Variants in CDH8 observed in about 807,000 individuals in gnomAD.
CDH8 encodes cadherin-8.
CDH8 carries 17 observed loss-of-function variants against 68.1 expected under a neutral mutation model. That is an observed-to-expected ratio of 0.25 (90% CI 0.17 to 0.37). CDH8 has a LOEUF of 0.37. Ranked by LOEUF, CDH8 falls within the 10% of genes least tolerant of loss-of-function variation. CDH8 has a pLI of 1.00. For synonymous variants in CDH8, 372 were observed against 365.1 expected (o/e 1.02, Z -0.21); for missense variants, 763 against 999.3 (o/e 0.76, Z 3.19).
At chr16:61,676,505 A>G (rs1364032259) in intron 10 of CDH8, among the ~76,000 whole-genome samples, 1 of 152,082 alleles carries the variant, frequency 6.6e-6, no homozygotes, top group Non-Finnish European at 1.5e-5. Flanking sequence ...GATTAACAGA[A>G]TAAAGTAGAA....
intron 10 of CDH8, chr16:61,692,022 G>T (rs895480368): frequency 3.9e-5 from 6 of 152,166 alleles, no homozygotes; most frequent in East Asian, 1.9e-4. Flanking sequence ...CTAAGGGTTG[G>T]GTACCCATAT....
chr16:61,987,562 G>T (rs576557232), intron 2 of CDH8, among the ~76,000 whole-genome samples: 36 of 152,054 alleles, frequency 2.4e-4, no homozygotes, highest in African/African-American at 7.7e-4. Context: ...AATAGTTAGA[G>T]ATAATAATTT....
chr16:61,899,864 ACACG>A (rs1295180736), intron 3 of CDH8, among the ~76,000 whole-genome samples: 2 of 148,508 alleles, frequency 1.3e-5, no homozygotes, highest in Non-Finnish European at 3.0e-5. Context: ...ACACACACAC[ACACG>A]AGTATCTCAC....
chr16:61,810,511 A>AAGGG (rs1961916918), intron 7 of CDH8, among the ~76,000 whole-genome samples: 1 of 152,052 alleles, frequency 6.6e-6, no homozygotes, highest in South Asian at 2.1e-4. Flanking sequence ...ACAGGAAATG[A>AAGGG]AGGGAGAATA....
intron 2 of CDH8, among the ~76,000 whole-genome samples, chr16:61,972,571 GGTGTGTGTGTGTGT>G (rs1555525996): frequency 6.1e-5 from 8 of 131,468 alleles, no homozygotes; most frequent in Non-Finnish European, 1.2e-4. Flanking sequence ...ACACATTGTG[GGTGTGTGTGTGTGT>G]GTGTGTGTGT....
At chr16:61,994,549 C>G (rs996841136) in intron 2 of CDH8, among the ~76,000 whole-genome samples, 2 of 152,126 alleles carry the variant, frequency 1.3e-5, no homozygotes, top group Non-Finnish European at 2.9e-5. Flanking sequence ...CTTTATGACT[C>G]TCATCTGATG....
chr16:61,778,122 T>C (rs1960947367), intron 8 of CDH8, among the ~76,000 whole-genome samples: 1 of 152,070 alleles, frequency 6.6e-6, no homozygotes, highest in Non-Finnish European at 1.5e-5. Flanking sequence ...TGAATTTCAC[T>C]GCCCACTTTA....
rs776447082 is a variant in CDH8 at position 61,655,672 on chromosome 16, C to A, written c.1704G>T (p.Lys568Asn). The A allele has an allele frequency of 6.2e-7, 1 of 1,613,904 alleles. No homozygotes were observed. The highest frequency in any genetic ancestry group is 8.5e-7 in the Non-Finnish European group (1 of 1,179,908). The change falls in exon 11 of 12, where the codon AAG becomes AAT. Residue 568 changes from lysine to asparagine, a missense_variant. Physicochemically the swap from Lys to Asn is moderately conservative, Grantham distance 94. This residue lies in a region of CDH8 where 397 missense variants were observed against 436.2 expected (regional missense o/e 0.91). Coordinates refer to ENST00000577390, the MANE Select transcript of CDH8 (RefSeq NM_001796.5). The part of the protein sequence containing the change: ...LAKHNGFNRQ[K>N]QEVYLLPIII... ...TGATTGGTAAAAGATAGACTTCTTG[C>A]TTCTGGCGGTTGAATCCATTATGCT...
At chr16:61,902,144 A>G (rs1252128225) in intron 2 of CDH8, among the ~76,000 whole-genome samples, 1 of 152,170 alleles carries the variant, frequency 6.6e-6, no homozygotes, top group Non-Finnish European at 1.5e-5. Context: ...TTCCCATTTT[A>G]TAGAGAAGAA....
At chr16:61,971,962 C>T (rs146624901) in intron 2 of CDH8, among the ~76,000 whole-genome samples, 131 of 152,108 alleles carry the variant, frequency 8.6e-4, no homozygotes, top group African/African-American at 2.9e-3. Context: ...AGTGTATCAA[C>T]GTAAGAAAAA....
intron 4 of CDH8, among the ~76,000 whole-genome samples, chr16:61,851,949 G>A (rs1396968348): frequency 6.6e-6 from 1 of 151,982 alleles, no homozygotes; most frequent in Non-Finnish European, 1.5e-5. Context: ...GGATCAGGCA[G>A]ATTCACCTTG....
At chr16:61,674,407 T>C (rs1036404622) in intron 10 of CDH8, among the ~76,000 whole-genome samples, 1 of 148,848 alleles carries the variant, frequency 6.7e-6, no homozygotes, top group Non-Finnish European at 1.5e-5. Context: ...TGAGCCGAGA[T>C]CGTGCCACTG....
At chr16:61,703,855 G>A (rs1001736830) in intron 10 of CDH8, among the ~76,000 whole-genome samples, 12 of 152,050 alleles carry the variant, frequency 7.9e-5, no homozygotes, top group African/African-American at 2.2e-4. Flanking sequence ...GTTTTCATGC[G>A]TATTACTGAT....
intron 8 of CDH8, among the ~76,000 whole-genome samples, chr16:61,780,675 AT>A (rs1242713388): frequency 1.3e-5 from 2 of 152,126 alleles, no homozygotes; most frequent in East Asian, 1.9e-4. Context: ...TCTCCTTTTA[AT>A]TTTTTTCCCC....
intron 7 of CDH8, among the ~76,000 whole-genome samples, chr16:61,792,089 T>C (rs16963957): frequency 0.39 from 58,495 of 151,754 alleles, 12,020 homozygotes; most frequent in African/African-American, 0.52. Context: ...TGAAGAATGC[T>C]CTTCCTTGGG....
At chr16:61,706,528 G>GA (rs1964536119) in intron 10 of CDH8, among the ~76,000 whole-genome samples, 2 of 150,688 alleles carry the variant, frequency 1.3e-5, no homozygotes, top group South Asian at 4.2e-4. Flanking sequence ...GGCTGAGGCA[G>GA]GAGAATGGCG....
At chr16:61,700,429 T>C (rs35611030) in intron 10 of CDH8, among the ~76,000 whole-genome samples, 31,271 of 151,790 alleles carry the variant, frequency 0.21, 3,809 homozygotes, top group African/African-American at 0.32. Context: ...TACAGACACG[T>C]GCCACAACGC....
chr16:61,751,076 A>G (rs1415744284), intron 8 of CDH8, among the ~76,000 whole-genome samples: 1 of 152,144 alleles, frequency 6.6e-6, no homozygotes, highest in East Asian at 1.9e-4. Flanking sequence ...GCTAATAATG[A>G]TAGATGCTCA....
chr16:61,984,926 A>T (rs955033320), intron 2 of CDH8, among the ~76,000 whole-genome samples: 2 of 152,066 alleles, frequency 1.3e-5, no homozygotes, highest in African/African-American at 4.8e-5. Flanking sequence ...TTCGTCATTG[A>T]CCTATAGTGC....
Sources: gnomAD v4.1 joint callset for allele counts (sites outside exome capture counted in the v4.1 genomes callset) on GRCh38, gnomAD v4.1.1 for gene constraint, gnomAD v4.1.1 regional missense constraint, MANE v1.5 for transcripts, NCBI Gene and HGNC (gene_info 2026-07-23, HGNC 2026-07-21) for gene names.